The following DLGAP1 variants were observed in gnomAD, a reference collection of about 807,000 sequenced individuals.
DLGAP1 encodes the protein DLG associated protein 1.
Under a neutral mutation model 90.8 loss-of-function variants are expected in DLGAP1, and 11 were observed. The observed-to-expected ratio is 0.12, with a 90% CI of 0.08 to 0.20. The LOEUF (loss-of-function observed/expected upper bound fraction) is 0.20. Ranked by LOEUF, DLGAP1 falls within the 10% of genes least tolerant of loss-of-function variation. DLGAP1 has a pLI of 1.00. For missense variants in DLGAP1, 1,050 were observed against 1,333.8 expected (o/e 0.79, Z 3.31); for synonymous variants, 558 against 540.7 (o/e 1.03, Z -0.44).
At chr18:3,916,568 C>G (rs1472985430) in intron 3 of DLGAP1, among the ~76,000 whole-genome samples, 2 of 152,188 alleles carry the variant, frequency 1.3e-5, no homozygotes, top group Non-Finnish European at 2.9e-5. Context: ...CATTCACTCA[C>G]ATGCTATAAT....
chr18:4,276,493 G>A lies in DLGAP1; in HGVS notation c.-266-125206C>T, dbSNP rs555144851. 3.3e-5 allele frequency among the ~76,000 whole-genome samples: 5 copies of A among 151,852 alleles called. No homozygotes were observed. The South Asian group carries it at 6.3e-4, about 19-fold the overall frequency. On this transcript the variant is annotated intron_variant, in intron 1 of 12. Transcript: ENST00000315677. Reference sequence around the variant, plus strand: ...TCTACTAAAAATACGAAAATTAGCCGGGTGTGGTGGCATGCACCTGTAATC... The same window carrying A: ...TCTACTAAAAATACGAAAATTAGCCAGGTGTGGTGGCATGCACCTGTAATC...
At chr18:3,664,548 C>T (rs1180194065) in intron 7 of DLGAP1, among the ~76,000 whole-genome samples, 1 of 152,106 alleles carries the variant, frequency 6.6e-6, no homozygotes, top group Non-Finnish European at 1.5e-5. Flanking sequence ...CCATCCCTCA[C>T]CCTTCTTGAT....
chr18:3,567,615 A>G, intron 8 of DLGAP1, 34 bp from the exon 9 acceptor site: 1 of 1,566,758 alleles, frequency 6.4e-7, no homozygotes, highest in Non-Finnish European at 8.8e-7. Context: ...GAGTTGTTCC[A>G]TTTCAGTCAT....
chr18:4,434,447 G>C (rs754055192), intron 1 of DLGAP1, among the ~76,000 whole-genome samples: 2 of 152,034 alleles, frequency 1.3e-5, no homozygotes, highest in Non-Finnish European at 2.9e-5. Flanking sequence ...GGTTCTCCTT[G>C]AATCTGCTCA....
Position 4,084,849 on chromosome 18 carries a change from C to T in DLGAP1, c.-159+66331G>A, listed in dbSNP as rs535615857. 4.6e-5 allele frequency among the ~76,000 whole-genome samples: 7 copies of T among 152,220 alleles called. No individual in the cohort carries two copies. The South Asian group carries it at 1.5e-3, about 32-fold the overall frequency. Reference sequence around the variant, plus strand: ...TTGATTTTTAGACCCAGCCAAGGGACCCTAGGAAGAGTGAAGGAAAGCCTT... The same window carrying T: ...TTGATTTTTAGACCCAGCCAAGGGATCCTAGGAAGAGTGAAGGAAAGCCTT... On this transcript the variant is annotated intron_variant, in intron 2 of 12. Transcript: ENST00000315677. The surrounding 1 kb of genome is among the most constrained non-coding windows in gnomAD (Gnocchi z 4.0).
At chr18:3,924,487 TA>T (rs1238719754) in intron 3 of DLGAP1, among the ~76,000 whole-genome samples, 1 of 152,214 alleles carries the variant, frequency 6.6e-6, no homozygotes, top group African/African-American at 2.4e-5. Context: ...AGCAGTTTAC[TA>T]AGTCAATGCC....
chr18:4,278,696 C>CAT (rs536195368), intron 1 of DLGAP1, among the ~76,000 whole-genome samples: 1 of 151,394 alleles, frequency 6.6e-6, no homozygotes, highest in Non-Finnish European at 1.5e-5. Context: ...ATAACATTTT[C>CAT]ATATATATAT....
chr18:3,549,640 T>C (rs768123744), intron 9 of DLGAP1, among the ~76,000 whole-genome samples: 67 of 151,968 alleles, frequency 4.4e-4, no homozygotes, highest in Admixed American at 2.4e-3. Flanking sequence ...CTCTTTTTCT[T>C]ACACACACAC....
chr18:3,515,873 G>T (rs933032844), intron 10 of DLGAP1, among the ~76,000 whole-genome samples: 1 of 151,788 alleles, frequency 6.6e-6, no homozygotes, highest in African/African-American at 2.4e-5. Flanking sequence ...AGCCTTTGTG[G>T]TCATTTCAAC....
chr18:4,057,343 T>C (rs1231694504), intron 2 of DLGAP1, among the ~76,000 whole-genome samples: 4 of 152,158 alleles, frequency 2.6e-5, no homozygotes, highest in Non-Finnish European at 5.9e-5. Flanking sequence ...GTATATGACC[T>C]TGTAGGAACA....
intron 4 of DLGAP1, among the ~76,000 whole-genome samples, chr18:3,823,949 C>CA (rs60286806): frequency 0.17 from 6,379 of 36,618 alleles, 1,685 homozygotes; most frequent in South Asian, 0.26. Context: ...GACTCCCTCT[C>CA]AAAAAAAAAA....
At chr18:3,684,253 A>G (rs932688742) in intron 7 of DLGAP1, among the ~76,000 whole-genome samples, 8 of 151,906 alleles carry the variant, frequency 5.3e-5, no homozygotes, top group African/African-American at 1.7e-4. Context: ...GCAGTGGTGC[A>G]ATCACAGCTC....
At chr18:4,439,655 A>G (rs78600770) in intron 1 of DLGAP1, among the ~76,000 whole-genome samples, 10 of 152,022 alleles carry the variant, frequency 6.6e-5, no homozygotes, top group Admixed American at 6.6e-4. Context: ...AAAAATAAAA[A>G]TAAACTAGCC....
chr18:4,078,355 A>G lies in DLGAP1; in HGVS notation c.-159+72825T>C, dbSNP rs149615620. Among the ~76,000 whole-genome samples the G allele has an allele frequency of 8.7e-4, 133 of 152,328 alleles. 1 individual carries two copies. The highest frequency in any genetic ancestry group is 3.1e-3 in the African/African-American group (130 of 41,576). ...TTTCAAGCTTTTGGAAGTTACACAC[A>G]TTTATATTTAAATAGAAATCACCGA... On this transcript the variant is annotated intron_variant, in intron 2 of 12. Transcript: ENST00000315677.
chr18:4,113,583 C>T (rs1300227067), intron 2 of DLGAP1, among the ~76,000 whole-genome samples: 1 of 152,018 alleles, frequency 6.6e-6, no homozygotes, highest in Non-Finnish European at 1.5e-5. Flanking sequence ...GTTTACTCTA[C>T]TGATAGTTTG....
At chr18:3,949,794 A>G (rs1189466941) in intron 3 of DLGAP1, among the ~76,000 whole-genome samples, 1 of 152,234 alleles carries the variant, frequency 6.6e-6, no homozygotes, top group Non-Finnish European at 1.5e-5. Context: ...GATCATTTAT[A>G]ATATGGGTGA....
rs1173509549 is a variant in DLGAP1, at chr18:4,164,021, C to T, written c.-266-12734G>A. On this transcript the variant is annotated intron_variant, in intron 1 of 12. Coordinates refer to ENST00000315677, the MANE Select transcript of DLGAP1 (RefSeq NM_004746.4). Reference sequence around the variant, plus strand: ...TCAGCTCACTCATGTAGTACTAGCACGGGTGAGTGGAAACTCTGGCAGCAC... The same window carrying T: ...TCAGCTCACTCATGTAGTACTAGCATGGGTGAGTGGAAACTCTGGCAGCAC... 2.0e-5 allele frequency among the ~76,000 whole-genome samples: 3 copies of T among 152,066 alleles called. No homozygotes were observed. In the South Asian group the frequency reaches 6.2e-4, roughly 32 times the overall value.
intron 1 of DLGAP1, among the ~76,000 whole-genome samples, chr18:4,393,427 T>C (rs1468665559): frequency 6.6e-6 from 1 of 152,174 alleles, no homozygotes; most frequent in Non-Finnish European, 1.5e-5. Flanking sequence ...CTACCTGGAA[T>C]GGACTCTACC....
chr18:4,325,416 T>C (rs2080795354), intron 1 of DLGAP1, among the ~76,000 whole-genome samples: 1 of 152,012 alleles, frequency 6.6e-6, no homozygotes, highest in Non-Finnish European at 1.5e-5. Context: ...ATCAATATCA[T>C]CAAAATGGCC....
Sources: gnomAD v4.1 joint callset for allele counts (sites outside exome capture counted in the v4.1 genomes callset) on GRCh38, gnomAD v4.1.1 for gene constraint, Gnocchi (gnomAD v3.1) non-coding constraint, MANE v1.5 for transcripts, NCBI Gene and HGNC (gene_info 2026-07-23, HGNC 2026-07-21) for gene names.